Variants in SNX29 observed in about 807,000 individuals in gnomAD.
SNX29 encodes the protein sorting nexin-29.
In SNX29, 78 loss-of-function variants were observed where a neutral mutation model predicts 102.1. The observed-to-expected ratio is 0.76, with a 90% CI of 0.64 to 0.92. The LOEUF (loss-of-function observed/expected upper bound fraction) is 0.92, where lower values mean the gene tolerates loss of function less well. SNX29 is among the 40% of genes least tolerant of loss of function. The pLI, the probability that SNX29 is intolerant of heterozygous loss-of-function variation, is 0.00. For synonymous variants in SNX29, 580 were observed against 414.5 expected (o/e 1.40, Z -4.85); for missense variants, 1,280 against 1,061.7 (o/e 1.21, Z -2.86).
intron 14 of SNX29, among the ~76,000 whole-genome samples, chr16:12,213,044 G>C (rs1356910241): frequency 6.6e-6 from 1 of 152,184 alleles, no homozygotes; most frequent in African/African-American, 2.4e-5. Flanking sequence ...AATCCAGGAG[G>C]TGGAGGTTGC....
chr16:12,025,768 A>G (rs1203553325), intron 3 of SNX29, among the ~76,000 whole-genome samples: 1 of 152,148 alleles, frequency 6.6e-6, no homozygotes, highest in Non-Finnish European at 1.5e-5. Flanking sequence ...ATGACGAGTA[A>G]AGATTGAGTA....
At chr16:12,402,783 G>A (rs1054941138) in intron 17 of SNX29, among the ~76,000 whole-genome samples, 1 of 152,180 alleles carries the variant, frequency 6.6e-6, no homozygotes, top group African/African-American at 2.4e-5. Context: ...TTAAACCTTG[G>A]TGTATTGGAC....
At chr16:12,189,366 T>C (rs1297217993) in intron 13 of SNX29, among the ~76,000 whole-genome samples, 2 of 152,226 alleles carry the variant, frequency 1.3e-5, no homozygotes, top group Non-Finnish European at 2.9e-5. Flanking sequence ...GTTGTCTCTT[T>C]TCTTGACTTT....
chr16:12,110,863 GC>G (rs1165114901), intron 11 of SNX29, among the ~76,000 whole-genome samples: 1 of 150,628 alleles, frequency 6.6e-6, no homozygotes, highest in African/African-American at 2.4e-5. Context: ...TTGCTCTGTT[GC>G]CCAGGCTGGA....
intron 20 of SNX29, among the ~76,000 whole-genome samples, chr16:12,537,777 A>G (rs887495721): frequency 6.6e-6 from 1 of 152,054 alleles, no homozygotes; most frequent in African/African-American, 2.4e-5. Flanking sequence ...TTAAACAAAA[A>G]AAAGTAATAA....
intron 13 of SNX29, among the ~76,000 whole-genome samples, chr16:12,142,148 G>T (rs542502233): frequency 6.6e-6 from 1 of 152,162 alleles, no homozygotes; most frequent in African/African-American, 2.4e-5. Flanking sequence ...CAGTTGCCCC[G>T]ATCTTTTTGA....
intron 11 of SNX29, among the ~76,000 whole-genome samples, chr16:12,108,755 G>A (rs2053373524): frequency 6.6e-6 from 1 of 152,160 alleles, no homozygotes; most frequent in Non-Finnish European, 1.5e-5. Context: ...TGAAGCCTCT[G>A]CTCCATCCAT....
intron 20 of SNX29, among the ~76,000 whole-genome samples, chr16:12,554,257 C>T (rs1237844041): frequency 1.3e-5 from 2 of 152,218 alleles, no homozygotes; most frequent in African/African-American, 2.4e-5. Flanking sequence ...TCGTCTCTGC[C>T]TTTTGGTGCA....
rs1598141177 is a variant in SNX29 at position 12,571,772 on chromosome 16, A to G, written c.*3143A>G. The G allele has an allele frequency of 9.9e-7, 1 of 1,009,902 alleles. No individual in the cohort carries two copies. The highest frequency in any genetic ancestry group is 1.7e-5 in the African/African-American group (1 of 59,588). The allele number at this position is 1,009,902 out of a possible 1,614,324, so 62.6% of individuals were successfully genotyped here. On this transcript the variant is annotated 3_prime_UTR_variant, in exon 21 of 21. Transcript: ENST00000566228. ...CCATCCACTCCTGATCTGAGACAGAACCTTCTCCGCCACTCTTCCTGCAAT... is the reference window on the plus strand; with the variant it reads ...CCATCCACTCCTGATCTGAGACAGAGCCTTCTCCGCCACTCTTCCTGCAAT...
intron 20 of SNX29, among the ~76,000 whole-genome samples, chr16:12,564,092 T>C (rs2078884870): frequency 6.6e-6 from 1 of 152,204 alleles, no homozygotes; most frequent in African/African-American, 2.4e-5. Flanking sequence ...GTAATATCTT[T>C]GTAAAATCCT....
At chr16:11,998,189 C>T (rs988218347) in intron 1 of SNX29, among the ~76,000 whole-genome samples, 21 of 152,192 alleles carry the variant, frequency 1.4e-4, no homozygotes, top group African/African-American at 2.4e-4. Flanking sequence ...GGCAATTCAA[C>T]GCCTGCAGTG....
At chr16:12,106,454 T>G (rs1168180398) in intron 11 of SNX29, among the ~76,000 whole-genome samples, 1 of 152,006 alleles carries the variant, frequency 6.6e-6, no homozygotes, top group Non-Finnish European at 1.5e-5. Flanking sequence ...GGCCCCCTCC[T>G]CGGCCCCCTC....
At chr16:12,391,303 C>A (rs958698367) in intron 16 of SNX29, among the ~76,000 whole-genome samples, 10 of 152,166 alleles carry the variant, frequency 6.6e-5, no homozygotes, top group African/African-American at 2.4e-4. Context: ...AGAATCCAGA[C>A]AAACATCATA....
chr16:12,444,877 A>C (rs1226275069), intron 18 of SNX29, among the ~76,000 whole-genome samples: 1 of 134,790 alleles, frequency 7.4e-6, no homozygotes, highest in African/African-American at 2.9e-5. Context: ...TCTCACTCTG[A>C]CAGAGTCTCA....
At chr16:12,123,149 T>C (rs924469261) in intron 11 of SNX29, among the ~76,000 whole-genome samples, 2 of 152,182 alleles carry the variant, frequency 1.3e-5, no homozygotes, top group Non-Finnish European at 2.9e-5. Flanking sequence ...ATTTTAACTA[T>C]ATGACAAAAA....
At chr16:12,538,689 C>T (rs546951855) in intron 20 of SNX29, among the ~76,000 whole-genome samples, 1 of 152,214 alleles carries the variant, frequency 6.6e-6, no homozygotes, top group East Asian at 1.9e-4. Context: ...CCTCCCAGGA[C>T]CAGTGGGCGA....
intron 20 of SNX29, among the ~76,000 whole-genome samples, chr16:12,555,240 G>A (rs930298245): frequency 6.6e-6 from 1 of 151,748 alleles, no homozygotes; most frequent in Admixed American, 6.5e-5. Context: ...AAATGGAGGT[G>A]AGAGATGAGG....
chr16:12,237,379 C>T lies in SNX29; in HGVS notation c.1678+37696C>T, dbSNP rs145139774. Among the ~76,000 whole-genome samples the T allele has an allele frequency of 5.3e-5, 8 of 152,320 alleles. No individual in the cohort carries two copies. In the East Asian group the frequency reaches 1.2e-3, roughly 22 times the overall value. ...CTGCTTTATGCGCTTATCTCTAAGC[C>T]TCCCAGATTTTGCAATTAAGGACAT... On this transcript the variant is annotated intron_variant, in intron 14 of 20. Coordinates refer to ENST00000566228, the MANE Select transcript of SNX29 (RefSeq NM_032167.5).
intron 20 of SNX29, among the ~76,000 whole-genome samples, chr16:12,548,219 C>G (rs969692314): frequency 6.6e-6 from 1 of 152,196 alleles, no homozygotes; most frequent in African/African-American, 2.4e-5. Context: ...CACGCTGGAT[C>G]CTGCCACAGT....
Sources: allele counts gnomAD v4.1 joint callset (sites outside exome capture counted in the v4.1 genomes callset), GRCh38; gene constraint gnomAD v4.1.1; transcripts MANE v1.5; gene names NCBI Gene and HGNC (gene_info 2026-07-23, HGNC 2026-07-21).